CREBZF: variants seen among roughly 807,000 people sequenced by gnomAD.
The protein encoded by CREBZF is HCF-binding transcription factor Zhangfei.
CREBZF carries 8 observed loss-of-function variants against 21.1 expected under a neutral mutation model. That is an observed-to-expected ratio of 0.38 (90% confidence interval 0.22 to 0.68). The LOEUF is 0.68. Among genes scored for constraint, CREBZF ranks in the 30% least tolerant of loss-of-function variants. The pLI, the probability that CREBZF is intolerant of heterozygous loss-of-function variation, is 0.51. For synonymous variants in CREBZF, 270 were observed against 223.3 expected, an observed-to-expected ratio of 1.21 and a Z score of -1.86; for missense variants, 518 against 484.3, an observed-to-expected ratio of 1.07 and a Z score of -0.65.
In CREBZF at chr11:85,664,517, A is replaced by C; in HGVS notation, c.359T>G (p.Leu120Arg). 2 of 1,613,676 alleles carry C rather than the reference A, an allele frequency of 1.2e-6. No individual in the cohort carries two copies. Among genetic ancestry groups the C allele is most frequent in the Non-Finnish European group, 1.7e-6 (2 of 1,179,954 alleles). ...CCCCGGCGAGCTAAGCCCGGGGTCC[A>C]GGTGCCAGTCCGGTTGCCTGGGGTC... ...LLDPRQPDWH[L>R]DPGLSSPGPL... Residue 120 changes from leucine to arginine, a missense_variant, in exon 1 of 1, where the codon CTG becomes CGG. Around this residue, in one of 3 missense-constraint regions of CREBZF, gnomAD observed 396 missense variants for 324.4 expected, o/e 1.22. Transcript: ENST00000527447. This position sits in a 1 kb window ranked among gnomAD's most constrained non-coding sequence, Gnocchi z 5.5.
At position 85,664,441 on chromosome 11, in the gene CREBZF, C is replaced by A; in HGVS notation, c.435G>T (p.Gly145=). 6.2e-7 allele frequency: 1 copy of A among 1,613,760 alleles called. No homozygotes were observed. The highest frequency in any genetic ancestry group is 2.2e-5 in the East Asian group (1 of 44,858). Residue 145 remains glycine (G), a synonymous_variant, in exon 1 of 1, where the codon GGG becomes GGT. Coordinates refer to ENST00000527447, the MANE Select transcript of CREBZF (RefSeq NM_001039618.4). The surrounding 1 kb of genome is among the most constrained non-coding windows in gnomAD (Gnocchi z 5.5). ...CAGCCGCGGCCTCATCGTCATCGTCCCCTCTCCACAGGCCGCCGCTATCCG... is the reference window on the plus strand; with the variant it reads ...CAGCCGCGGCCTCATCGTCATCGTCACCTCTCCACAGGCCGCCGCTATCCG... ...GGSDSGGLWR[G]DDDDEAAAAE...
At position 85,659,426 on chromosome 11, in the gene CREBZF, G is replaced by A. The variant is rs758226184; in HGVS notation, c.*4385C>T. Among the ~76,000 whole-genome samples the A allele has an allele frequency of 1.3e-5, 2 of 152,016 alleles. No individual in the cohort carries two copies. The highest frequency in any genetic ancestry group is 2.9e-5 in the Non-Finnish European group (2 of 67,914). On this transcript the variant is annotated 3_prime_UTR_variant, in exon 1 of 1. Transcript: ENST00000527447. ...GGAATTATAACTAGCTGTACTGTAG[G>A]AGCATCAGCGCCTAAGTTTTAAGCC...
chr11:85,673,534 G>T (rs1269783101), intron 1 of CREBZF, among the ~76,000 whole-genome samples: 1 of 152,186 alleles, frequency 6.6e-6, no homozygotes, highest in African/African-American at 2.4e-5. Flanking sequence ...TGAGCCTTCA[G>T]TGAGTCACAA....
chr11:85,671,263 AT>A (rs1314628772), intron 1 of CREBZF, among the ~76,000 whole-genome samples: 1 of 152,118 alleles, frequency 6.6e-6, no homozygotes, highest in Non-Finnish European at 1.5e-5. Context: ...GCATAGAAAA[AT>A]TTGCCCCCAT....
chr11:85,665,081 C>G lies in CREBZF; in HGVS notation c.-206G>C. 2.3e-6 allele frequency: 1 copy of G among 430,044 alleles called. No homozygotes were observed. Among genetic ancestry groups the G allele is most frequent in the East Asian group, 3.5e-5 (1 of 28,212 alleles). 26.6% of individuals were successfully genotyped at this position (430,044 alleles called of 1,614,324 possible). A position where few individuals can be genotyped will look rare whatever the true frequency, so the allele number is the denominator to read the frequency against. ...GGACGGGAGAACGAAGCGGTGAGGC[C>G]CTGCGATGACTCGACCGCGCCACCC... On this transcript the variant is annotated 5_prime_UTR_variant, in exon 1 of 1. Transcript: ENST00000527447.
intron 1 of CREBZF, among the ~76,000 whole-genome samples, chr11:85,670,228 G>C (rs1400107435): frequency 6.8e-6 from 1 of 146,452 alleles, no homozygotes; most frequent in Non-Finnish European, 1.5e-5. Flanking sequence ...GAGGGCCATT[G>C]ATACTTTGTT....
Position 85,664,672 on chromosome 11 carries a change from C to T in CREBZF, c.204G>A (p.Gly68=). ...GDEGELEAGR[G]SRGGVAVRAP... ...CGCGCACGGCCACGCCGCCGCGGCTCCCCCTCCCGGCTTCCAACTCTCCTT... is the reference window on the plus strand; with the variant it reads ...CGCGCACGGCCACGCCGCCGCGGCTTCCCCTCCCGGCTTCCAACTCTCCTT... Residue 68 remains glycine (G), a synonymous_variant, in exon 1 of 1, where the codon GGG becomes GGA. Transcript: ENST00000527447. This position sits in a 1 kb window ranked among gnomAD's most constrained non-coding sequence, Gnocchi z 5.5. The T allele has an allele frequency of 1.2e-6, 2 of 1,603,060 alleles. No homozygotes were observed. The highest frequency in any genetic ancestry group is 1.7e-6 in the Non-Finnish European group (2 of 1,174,708).
At chr11:85,668,305 T>A (rs2082886424), upstream of CREBZF, among the ~76,000 whole-genome samples, 2 of 152,232 alleles carry the variant, frequency 1.3e-5, no homozygotes, top group Non-Finnish European at 2.9e-5. Flanking sequence ...TTAAATTTAT[T>A]CATTTCTTTC....
Position 85,664,525 on chromosome 11 carries a change from G to C in CREBZF, c.351C>G (p.Asp117Glu). Residue 117 changes from aspartate (D) to glutamate (E), a missense_variant, in exon 1 of 1, where the codon GAC (aspartate) becomes GAG (glutamate). By Grantham distance (45) the Asp-to-Glu change is conservative. This residue lies in a region of CREBZF where 396 missense variants were observed against 324.4 expected (regional missense o/e 1.22). Coordinates refer to ENST00000527447, the MANE Select transcript of CREBZF (RefSeq NM_001039618.4). The surrounding 1 kb of genome is among the most constrained non-coding windows in gnomAD (Gnocchi z 5.5). ...AGCTAAGCCCGGGGTCCAGGTGCCA[G>C]TCCGGTTGCCTGGGGTCCAGGAGAT... ...LADLLDPRQP[D>E]WHLDPGLSSP... 3.1e-6 allele frequency: 5 copies of C among 1,613,814 alleles called. No homozygotes were observed. Among genetic ancestry groups the C allele is most frequent in the Non-Finnish European group, 4.2e-6 (5 of 1,179,972 alleles).
intron 1 of CREBZF, among the ~76,000 whole-genome samples, chr11:85,679,392 G>C (rs557162990): frequency 6.6e-6 from 1 of 152,276 alleles, no homozygotes; most frequent in African/African-American, 2.4e-5. Flanking sequence ...ACTTAGCATA[G>C]TGTCTTGGCT....
In CREBZF at chr11:85,665,004, T is replaced by G. The variant is rs1008971514; in HGVS notation, c.-129A>C. On this transcript the variant is annotated 5_prime_UTR_variant, in exon 1 of 1. Transcript: ENST00000527447. ...AACGAAATGCAGGGAAAGGTCCGAGTCGCCTCCCGCCTCACTTGGCTAGTC... is the reference window on the plus strand; with the variant it reads ...AACGAAATGCAGGGAAAGGTCCGAGGCGCCTCCCGCCTCACTTGGCTAGTC... The G allele has an allele frequency of 1.3e-5, 8 of 599,130 alleles. No homozygotes were observed. The allele number at this position is 599,130 out of a possible 1,614,324, so 37.1% of individuals were successfully genotyped here. A position where few individuals can be genotyped will look rare whatever the true frequency, so the allele number is the denominator to read the frequency against.
At position 85,662,176 on chromosome 11, in the gene CREBZF, G is replaced by T; in HGVS notation, c.*1635C>A. On this transcript the variant is annotated 3_prime_UTR_variant, in exon 1 of 1. Transcript: ENST00000527447. ...CACTGGAAACCAAAGACCAATTCAG[G>T]TCTCAAATCGTATTATCTAGCAACA... 1.9e-6 allele frequency: 1 copy of T among 520,736 alleles called. No individual in the cohort carries two copies. The highest frequency in any genetic ancestry group is 3.6e-6 in the Non-Finnish European group (1 of 278,948). The allele number at this position is 520,736 out of a possible 1,614,324, so 32.3% of individuals were successfully genotyped here. A position where few individuals can be genotyped will look rare whatever the true frequency, so the allele number is the denominator to read the frequency against.
chr11:85,663,820 A>G lies in CREBZF; in HGVS notation c.1056T>C (p.Leu352=), dbSNP rs779815478. 2.6e-5 allele frequency: 41 copies of G among 1,599,070 alleles called. No individual in the cohort carries two copies. The highest frequency in any genetic ancestry group is 2.0e-5 in the Non-Finnish European group (24 of 1,175,136). The change falls in exon 1 of 1, where the codon CTT becomes CTC. Residue 352 remains leucine, a synonymous_variant. Transcript: ENST00000527447. The part of the protein sequence containing the change: ...SACARKASSS[L]KM Reference sequence around the variant, plus strand: ...AGCAGATTACTTGACCCTACATTTTAAGAGAAGACGACGCCTTCCGGGCGC... The same window carrying G: ...AGCAGATTACTTGACCCTACATTTTGAGAGAAGACGACGCCTTCCGGGCGC...
At position 85,665,080 on chromosome 11, in the gene CREBZF, C is replaced by G; in HGVS notation, c.-205G>C. 2.3e-6 allele frequency: 1 copy of G among 431,336 alleles called. No individual in the cohort carries two copies. Among genetic ancestry groups the G allele is most frequent in the Non-Finnish European group, 4.2e-6 (1 of 239,074 alleles). 26.7% of individuals were successfully genotyped at this position (431,336 alleles called of 1,614,324 possible). A position where few individuals can be genotyped will look rare whatever the true frequency, so the allele number is the denominator to read the frequency against. ...GGGACGGGAGAACGAAGCGGTGAGG[C>G]CCTGCGATGACTCGACCGCGCCACC... On this transcript the variant is annotated 5_prime_UTR_variant, in exon 1 of 1. Transcript: ENST00000527447.
chr11:85,667,901 C>T (rs571433598), upstream of CREBZF, among the ~76,000 whole-genome samples: 23 of 151,756 alleles, frequency 1.5e-4, no homozygotes, highest in South Asian at 2.1e-3. Flanking sequence ...ACCTTGGAGG[C>T]GGAGGTTGCA....
Position 85,664,988 on chromosome 11 carries a change from C to T in CREBZF, c.-113G>A. 2 of 700,250 alleles carry T rather than the reference C, an allele frequency of 2.9e-6. No individual in the cohort carries two copies. Among genetic ancestry groups the T allele is most frequent in the East Asian group, 3.3e-5 (1 of 30,370 alleles). 43.4% of individuals were successfully genotyped at this position (700,250 alleles called of 1,614,324 possible). On this transcript the variant is annotated 5_prime_UTR_variant, in exon 1 of 1. Transcript: ENST00000527447. This position sits in a 1 kb window ranked among gnomAD's most constrained non-coding sequence, Gnocchi z 5.5. ...CCCCGGCACTGGCCGAAACGAAATG[C>T]AGGGAAAGGTCCGAGTCGCCTCCCG... is the stretch of plus-strand genomic sequence containing the variant.
At chr11:85,673,332 A>G (rs2082924317) in intron 1 of CREBZF, among the ~76,000 whole-genome samples, 1 of 152,226 alleles carries the variant, frequency 6.6e-6, no homozygotes, top group Non-Finnish European at 1.5e-5. Flanking sequence ...GAGATACTGC[A>G]GATTTGATTC....
intron 1 of CREBZF, among the ~76,000 whole-genome samples, chr11:85,672,269 C>G (rs2082916781): frequency 6.6e-6 from 1 of 152,222 alleles, no homozygotes; most frequent in African/African-American, 2.4e-5. Flanking sequence ...TGGGCCCTGC[C>G]CATGAAACCA....
chr11:85,670,596 C>T (rs1039322173), intron 1 of CREBZF, among the ~76,000 whole-genome samples: 3 of 152,224 alleles, frequency 2.0e-5, no homozygotes, highest in South Asian at 4.1e-4. Context: ...CCACTGCACC[C>T]AGCCTCTCAA....
Sources: allele counts gnomAD v4.1 joint callset (sites outside exome capture counted in the v4.1 genomes callset), GRCh38; gene constraint gnomAD v4.1.1; regional missense constraint gnomAD v4.1.1; non-coding constraint Gnocchi (gnomAD v3.1); transcripts MANE v1.5; gene names NCBI Gene and HGNC (gene_info 2026-07-23, HGNC 2026-07-21).